TNIK: variants seen among roughly 807,000 people sequenced by gnomAD.
TNIK encodes the protein TRAF2 and NCK interacting kinase, also known as TRAF2 and NCK-interacting protein kinase.
In TNIK, 49 loss-of-function variants were observed where a neutral mutation model predicts 191.3. That is an observed-to-expected ratio of 0.26 (90% CI 0.20 to 0.32). The LOEUF (loss-of-function observed/expected upper bound fraction) is 0.32. TNIK is among the 10% of genes least tolerant of loss of function. The pLI is 1.00. For synonymous variants in TNIK, 594 were observed against 600.9 expected, an observed-to-expected ratio of 0.99 and a Z score of 0.17; for missense variants, 1,155 against 1,702.3, an observed-to-expected ratio of 0.68 and a Z score of 5.66.
intron 1 of TNIK, among the ~76,000 whole-genome samples, chr3:171,386,306 G>C (rs751761111): frequency 1.3e-5 from 2 of 152,226 alleles, no homozygotes; most frequent in South Asian, 2.1e-4. Flanking sequence ...GAGAATCTGT[G>C]AAGCTGCATT....
chr3:171,373,724 C>A (rs1716847247), intron 1 of TNIK, among the ~76,000 whole-genome samples: 1 of 152,146 alleles, frequency 6.6e-6, no homozygotes, highest in Admixed American at 6.6e-5. Context: ...CAACACATGT[C>A]CCTCATGTCC....
Position 171,359,624 on chromosome 3 carries a change from C to T in TNIK, c.123+9996G>A, listed in dbSNP as rs905006989. Among the ~76,000 whole-genome samples, 19 of 152,264 alleles carry T rather than the reference C, an allele frequency of 1.2e-4. No individual in the cohort carries two copies. In the East Asian group the frequency reaches 2.7e-3, roughly 22 times the overall value. On this transcript the variant is annotated intron_variant, in intron 2 of 32. Coordinates refer to ENST00000436636, the MANE Select transcript of TNIK (RefSeq NM_015028.4). The stretch of plus-strand genomic sequence containing the variant: ...CATTCTAGACCCTCACCACCAACAA[C>T]GCTCCTATGTAGTAGTAAGCATATA...
At chr3:171,264,956 T>C (rs551060846) in intron 2 of TNIK, among the ~76,000 whole-genome samples, 1 of 152,276 alleles carries the variant, frequency 6.6e-6, no homozygotes, top group East Asian at 1.9e-4. Context: ...GAGGCTGCTG[T>C]ATTAGGCCCA....
At chr3:171,129,413 C>T (rs61304425) in intron 15 of TNIK, among the ~76,000 whole-genome samples, 3 of 152,182 alleles carry the variant, frequency 2.0e-5, no homozygotes, top group Admixed American at 6.5e-5. Flanking sequence ...CTGCTTAATG[C>T]GCGTGGCGTG....
intron 1 of TNIK, among the ~76,000 whole-genome samples, chr3:171,392,778 C>CAAAAAA (rs60306915): frequency 1.8e-4 from 17 of 95,162 alleles, no homozygotes; most frequent in African/African-American, 2.8e-4. Flanking sequence ...GATTCTGTCT[C>CAAAAAA]AAAAAAAAAA....
At chr3:171,113,204 C>G (rs183311507) in intron 18 of TNIK, among the ~76,000 whole-genome samples, 10 of 152,238 alleles carry the variant, frequency 6.6e-5, no homozygotes, top group Non-Finnish European at 1.5e-4. Context: ...ATCCTTTGTT[C>G]ATGTAGCTTG....
intron 1 of TNIK, among the ~76,000 whole-genome samples, chr3:171,453,981 G>C (rs1262074023): frequency 6.6e-6 from 1 of 152,152 alleles, no homozygotes; most frequent in African/African-American, 2.4e-5. Flanking sequence ...CTCTCCACTA[G>C]AGACCTTATA....
intron 12 of TNIK, among the ~76,000 whole-genome samples, chr3:171,142,150 A>G (rs77366230): frequency 0.023 from 3,468 of 152,298 alleles, 56 homozygotes; most frequent in Non-Finnish European, 0.036. Flanking sequence ...CAGATCAACA[A>G]TGATTTTTCC....
At chr3:171,156,857 T>A (rs1733250071) in intron 12 of TNIK, among the ~76,000 whole-genome samples, 1 of 152,230 alleles carries the variant, frequency 6.6e-6, no homozygotes, top group Non-Finnish European at 1.5e-5. Context: ...AATAGGCAGG[T>A]CCTACTCTTC....
At chr3:171,309,149 C>T (rs2108294868) in intron 2 of TNIK, among the ~76,000 whole-genome samples, 1 of 150,594 alleles carries the variant, frequency 6.6e-6, no homozygotes, top group African/African-American at 2.4e-5. Flanking sequence ...TGGAATCAAC[C>T]TAAATGCCCA....
At chr3:171,357,572 T>C (rs1361136898) in intron 2 of TNIK, among the ~76,000 whole-genome samples, 5 of 138,566 alleles carry the variant, frequency 3.6e-5, no homozygotes, top group Non-Finnish European at 6.2e-5. Context: ...TTTTTTTTGG[T>C]ACATATTTAT....
At chr3:171,249,178 C>T (rs1745954699) in intron 2 of TNIK, among the ~76,000 whole-genome samples, 1 of 152,204 alleles carries the variant, frequency 6.6e-6, no homozygotes, top group South Asian at 2.1e-4. Context: ...TTAAGAACCA[C>T]TTTATCTCAT....
intron 2 of TNIK, among the ~76,000 whole-genome samples, chr3:171,242,081 G>A (rs71306698): frequency 0.068 from 10,260 of 151,480 alleles, 428 homozygotes; most frequent in Middle Eastern, 0.12. Flanking sequence ...AAGTTAATGG[G>A]TGCAGCACAC....
At chr3:171,296,034 A>G (rs1752252329) in intron 2 of TNIK, among the ~76,000 whole-genome samples, 2 of 152,218 alleles carry the variant, frequency 1.3e-5, no homozygotes, top group African/African-American at 2.4e-5. Context: ...TATGTACTCT[A>G]AAAACAGTAT....
At position 171,122,390 on chromosome 3, in the gene TNIK, C is replaced by G. The variant is rs542405060; in HGVS notation, c.2120+1206G>C. 9.9e-5 allele frequency among the ~76,000 whole-genome samples: 15 copies of G among 152,160 alleles called. 2 individuals carry two copies. The highest frequency in any genetic ancestry group is 7.9e-4 in the Admixed American group (12 of 15,278). On this transcript the variant is annotated intron_variant, in intron 18 of 32. Transcript: ENST00000436636. ...CCTTGGCTGCCTGGTCACAGTGGCTCTAGTCTTCCTCAGTGCTGCTTAGCT... is the reference window on the plus strand; with the variant it reads ...CCTTGGCTGCCTGGTCACAGTGGCTGTAGTCTTCCTCAGTGCTGCTTAGCT...
intron 6 of TNIK, 107 bp from the exon 7 acceptor site, chr3:171,188,939 G>A: frequency 2.2e-6 from 3 of 1,367,324 alleles, no homozygotes; most frequent in African/African-American, 1.4e-5. Flanking sequence ...AACATAAAGT[G>A]TACAATTTTG....
Position 171,205,957 on chromosome 3 carries a change from T to C in TNIK, c.306+5159A>G, listed in dbSNP as rs1282461804. 6.6e-5 allele frequency among the ~76,000 whole-genome samples: 10 copies of C among 152,274 alleles called. No individual in the cohort carries two copies. In the South Asian group the frequency reaches 2.1e-3, roughly 32 times the overall value. On this transcript the variant is annotated intron_variant, in intron 4 of 32. Coordinates refer to ENST00000436636, the MANE Select transcript of TNIK (RefSeq NM_015028.4). ...GCCTCACCTCCTAATACCATCACAT[T>C]GAAAGTTAGGATTTCAATATATGAA...
At chr3:171,064,174 G>A (rs1179722086) in intron 32 of TNIK, 3 of 518,754 alleles carry the variant, frequency 5.8e-6, no homozygotes, top group Non-Finnish European at 1.0e-5. Context: ...ATTCCTTATT[G>A]TGGTATTGGT....
At chr3:171,104,325 T>TA (rs1414408930) in intron 21 of TNIK, among the ~76,000 whole-genome samples, 2 of 152,172 alleles carry the variant, frequency 1.3e-5, no homozygotes, top group Non-Finnish European at 2.9e-5. Context: ...TATTTTCATA[T>TA]ATTTTATTCT....
Sources: allele counts gnomAD v4.1 joint callset (sites outside exome capture counted in the v4.1 genomes callset), GRCh38; gene constraint gnomAD v4.1.1; transcripts MANE v1.5; gene names NCBI Gene and HGNC (gene_info 2026-07-23, HGNC 2026-07-21).